LIN7A: variants seen among roughly 807,000 people sequenced by gnomAD.
The protein encoded by LIN7A is protein lin-7 homolog A.
Under a neutral mutation model 29.8 loss-of-function variants are expected in LIN7A, and 25 were observed. That is an observed-to-expected ratio of 0.84 (90% CI 0.61 to 1.17). The LOEUF is 1.17. Ranked by LOEUF, LIN7A falls within the 50% of genes most tolerant of loss-of-function variation. LIN7A has a pLI of 0.00. For missense variants in LIN7A, 239 were observed against 287.0 expected (o/e 0.83, Z 1.21); for synonymous variants, 118 against 107.5 (o/e 1.10, Z -0.60).
chr12:80,914,410 T>C (rs1194619073), intron 1 of LIN7A, among the ~76,000 whole-genome samples: 7 of 152,122 alleles, frequency 4.6e-5, no homozygotes, highest in Admixed American at 2.0e-4. Flanking sequence ...TCTCTCAGAG[T>C]AATGTTTATA....
Position 80,874,587 on chromosome 12 carries a change from A to G in LIN7A, c.201+14664T>C, listed in dbSNP as rs188373144. ...AAGGACAAAAAGGCATATATTTTAA[A>G]AATCATTGTTGTTGGTACAAATGGA... is the stretch of plus-strand genomic sequence containing the variant. On this transcript the variant is annotated intron_variant, in intron 2 of 5. Transcript: ENST00000552864. Among the ~76,000 whole-genome samples the G allele has an allele frequency of 3.1e-4, 47 of 152,366 alleles. No homozygotes were observed. The East Asian group carries it at 5.8e-3, about 19-fold the overall frequency.
intron 1 of LIN7A, among the ~76,000 whole-genome samples, chr12:80,891,260 T>C (rs964378097): frequency 6.6e-6 from 1 of 152,200 alleles, no homozygotes; most frequent in Non-Finnish European, 1.5e-5. Flanking sequence ...TCCATAGTAA[T>C]TATCCTGAGT....
intron 1 of LIN7A, 67 bp downstream of exon 1, chr12:80,937,574 T>A: frequency 8.4e-7 from 1 of 1,192,516 alleles, no homozygotes; most frequent in Non-Finnish European, 1.1e-6. Flanking sequence ...CCGTTGGGAA[T>A]TGGCAGGCGG....
At chr12:80,889,953 T>G (rs1326506383) in intron 1 of LIN7A, among the ~76,000 whole-genome samples, 2 of 152,088 alleles carry the variant, frequency 1.3e-5, no homozygotes, top group Non-Finnish European at 2.9e-5. Context: ...CCTCGTCATC[T>G]CCCCTCTGTC....
At chr12:80,936,051 C>T (rs1473817923) in intron 1 of LIN7A, among the ~76,000 whole-genome samples, 3 of 152,084 alleles carry the variant, frequency 2.0e-5, no homozygotes, top group African/African-American at 7.2e-5. Context: ...TGTAATGGGA[C>T]AATATAAGAG....
At chr12:80,930,393 C>T (rs1877834204) in intron 1 of LIN7A, among the ~76,000 whole-genome samples, 1 of 152,002 alleles carries the variant, frequency 6.6e-6, no homozygotes, top group Non-Finnish European at 1.5e-5. Flanking sequence ...AGAACTAAGG[C>T]ATGGATGAAA....
At chr12:80,912,674 C>T (rs1876816238) in intron 1 of LIN7A, among the ~76,000 whole-genome samples, 1 of 145,462 alleles carries the variant, frequency 6.9e-6, no homozygotes, top group South Asian at 2.2e-4. Flanking sequence ...GAGATCGCGT[C>T]ACTGCACTCC....
At chr12:80,871,121 C>T (rs1020141032) in intron 2 of LIN7A, among the ~76,000 whole-genome samples, 16 of 152,120 alleles carry the variant, frequency 1.1e-4, no homozygotes, top group East Asian at 5.8e-4. Flanking sequence ...GAAAATAGTG[C>T]GGGAAATATA....
In LIN7A at chr12:80,797,516, A is replaced by G. The variant is rs1870508917; in HGVS notation, c.*211T>C. On this transcript the variant is annotated 3_prime_UTR_variant, in exon 6 of 6. Coordinates refer to ENST00000552864, the MANE Select transcript of LIN7A (RefSeq NM_004664.4). Reference sequence around the variant, plus strand: ...TCCCACTGCAGTGAATGGAAGGTCAATGTATGTAAAGCCCACGTGAGCAGT... The same window carrying G: ...TCCCACTGCAGTGAATGGAAGGTCAGTGTATGTAAAGCCCACGTGAGCAGT... The G allele has an allele frequency of 2.0e-5, 3 of 152,626 alleles. No individual in the cohort carries two copies. In the South Asian group the frequency reaches 6.2e-4, roughly 32 times the overall value. 9.5% of individuals were successfully genotyped at this position (152,626 alleles called of 1,614,324 possible).
intron 2 of LIN7A, among the ~76,000 whole-genome samples, chr12:80,878,334 TA>T (rs1178952052): frequency 1.3e-5 from 2 of 152,220 alleles, no homozygotes; most frequent in Non-Finnish European, 2.9e-5. Context: ...AACTATACTT[TA>T]AAATTCTGTT....
At chr12:80,841,431 A>T (rs930025592) in intron 4 of LIN7A, among the ~76,000 whole-genome samples, 1 of 151,850 alleles carries the variant, frequency 6.6e-6, no homozygotes, top group Non-Finnish European at 1.5e-5. Context: ...TACGAACAGC[A>T]CCCTCAAGAG....
intron 5 of LIN7A, among the ~76,000 whole-genome samples, chr12:80,799,367 T>C (rs546956652): frequency 6.6e-6 from 1 of 152,366 alleles, no homozygotes; most frequent in Admixed American, 6.5e-5. Context: ...GTAGGCAGAA[T>C]AGTGCCTCCT....
intron 4 of LIN7A, among the ~76,000 whole-genome samples, chr12:80,844,225 A>G (rs903514004): frequency 6.6e-6 from 1 of 152,134 alleles, no homozygotes; most frequent in African/African-American, 2.4e-5. Flanking sequence ...TGAAAAAGTC[A>G]CAGTTATCTA....
intron 4 of LIN7A, among the ~76,000 whole-genome samples, chr12:80,826,729 G>A (rs1872098937): frequency 6.6e-6 from 1 of 152,018 alleles, no homozygotes; most frequent in Non-Finnish European, 1.5e-5. Flanking sequence ...CACCGTGTTG[G>A]CCAGGTTGGT....
chr12:80,831,100 A>G (rs1872326131), intron 4 of LIN7A, among the ~76,000 whole-genome samples: 1 of 152,150 alleles, frequency 6.6e-6, no homozygotes, highest in South Asian at 2.1e-4. Flanking sequence ...TTTTTTCATT[A>G]AAGAATCCTG....
intron 4 of LIN7A, among the ~76,000 whole-genome samples, chr12:80,825,581 A>G (rs763726674): frequency 3.3e-5 from 5 of 152,232 alleles, no homozygotes; most frequent in Non-Finnish European, 7.3e-5. Context: ...AGGGGGTTCT[A>G]TAAAAGATTT....
chr12:80,805,385 C>T (rs1038629633), intron 5 of LIN7A, among the ~76,000 whole-genome samples: 2 of 151,770 alleles, frequency 1.3e-5, no homozygotes, highest in Admixed American at 1.3e-4. Context: ...TAAAGGTAGG[C>T]AAAATAAAGA....
intron 1 of LIN7A, among the ~76,000 whole-genome samples, chr12:80,899,983 G>A (rs923385859): frequency 6.6e-6 from 1 of 151,508 alleles, no homozygotes. Flanking sequence ...TAGTCAGGAT[G>A]GTCTCCATCT....
intron 1 of LIN7A, among the ~76,000 whole-genome samples, chr12:80,902,692 G>T (rs1876286574): frequency 1.3e-5 from 2 of 151,924 alleles, no homozygotes; most frequent in African/African-American, 4.8e-5. Flanking sequence ...AAAGGCTACT[G>T]GTTTTTGTAC....
Sources: gnomAD v4.1 joint callset for allele counts (sites outside exome capture counted in the v4.1 genomes callset) on GRCh38, gnomAD v4.1.1 for gene constraint, MANE v1.5 for transcripts, NCBI Gene and HGNC (gene_info 2026-07-23, HGNC 2026-07-21) for gene names.